The following SFI1 variants were observed in gnomAD, a reference collection of about 807,000 sequenced individuals.
The protein encoded by SFI1 is SFI1 centrin binding protein, also known as protein SFI1 homolog.
In SFI1, 195 loss-of-function variants were observed where a neutral mutation model predicts 207.5. The ratio of observed to expected loss-of-function variants is 0.94; its 90% confidence interval spans 0.84 to 1.06. The LOEUF is 1.06. SFI1 is among the 50% of genes least tolerant of loss of function. SFI1 has a pLI of 0.00. For missense variants in SFI1, 1,634 were observed against 1,588.0 expected, an observed-to-expected ratio of 1.03 and a Z score of -0.49; for synonymous variants, 630 against 598.9, an observed-to-expected ratio of 1.05 and a Z score of -0.76.
chr22:31,521,794 C>T (rs957950438), intron 2 of SFI1, among the ~76,000 whole-genome samples: 11 of 151,472 alleles, frequency 7.3e-5, no homozygotes, highest in Non-Finnish European at 4.4e-5. Flanking sequence ...GAGACAGTCT[C>T]ACTGTGTTGC....
intron 2 of SFI1, among the ~76,000 whole-genome samples, chr22:31,518,080 A>G (rs992294301): frequency 5.3e-5 from 8 of 152,126 alleles, no homozygotes; most frequent in African/African-American, 1.9e-4. Context: ...CCTGCCTCCC[A>G]GGTTCAAGCC....
intron 5 of SFI1, among the ~76,000 whole-genome samples, chr22:31,548,324 C>G (rs1016745633): frequency 6.6e-6 from 1 of 151,948 alleles, no homozygotes; most frequent in East Asian, 1.9e-4. Flanking sequence ...AATCCCAGTA[C>G]TTTGGGAGGC....
At chr22:31,517,537 C>T (rs1275732013) in intron 2 of SFI1, among the ~76,000 whole-genome samples, 1 of 152,164 alleles carries the variant, frequency 6.6e-6, no homozygotes, top group Admixed American at 6.6e-5. Context: ...TGCGGGCCAC[C>T]ATGCCTGGCC....
chr22:31,550,236 CT>C lies in SFI1; in HGVS notation c.450-11del. The C allele has an allele frequency of 1.9e-6, 3 of 1,607,772 alleles. No homozygotes were observed. Among genetic ancestry groups the C allele is most frequent in the South Asian group, 1.1e-5 (1 of 90,676 alleles). ...TGTTATTTTGAAGAAATGCCATTTA[CT>C]TTTTTTGGCTCCTCAGGTATTACCT... On this transcript the variant is annotated splice_polypyrimidine_tract_variant and intron_variant, in intron 5 of 32. Coordinates refer to ENST00000400288, the MANE Select transcript of SFI1 (RefSeq NM_001007467.3).
chr22:31,608,109 A>G (rs935837835), intron 22 of SFI1, 76 bp downstream of exon 22: 2 of 1,197,264 alleles, frequency 1.7e-6, no homozygotes, highest in Non-Finnish European at 1.2e-6. Context: ...TGTGGCCCGC[A>G]TAAGTCTGTC....
chr22:31,606,571 A>G (rs1454951390), intron 21 of SFI1, 141 bp downstream of exon 21: 10 of 612,662 alleles, frequency 1.6e-5, no homozygotes, highest in Non-Finnish European at 2.6e-5. Flanking sequence ...CAGCACACAC[A>G]CAAACATCCA....
chr22:31,499,360 A>G (rs2053322014), intron 1 of SFI1, among the ~76,000 whole-genome samples: 1 of 151,880 alleles, frequency 6.6e-6, no homozygotes, highest in Non-Finnish European at 1.5e-5. Context: ...ACGCCTGGCT[A>G]ATTTTTTGTA....
At chr22:31,593,114 G>A (rs1361655138) in intron 15 of SFI1, among the ~76,000 whole-genome samples, 35 of 146,698 alleles carry the variant, frequency 2.4e-4, no homozygotes, top group African/African-American at 8.6e-4. Flanking sequence ...CGGATGGGGC[G>A]GCTGGCCGGG....
chr22:31,508,545 G>A (rs976036757), intron 2 of SFI1, among the ~76,000 whole-genome samples, 169 bp downstream of exon 2: 14 of 151,934 alleles, frequency 9.2e-5, no homozygotes, highest in Non-Finnish European at 1.6e-4. Context: ...TACACATTTC[G>A]TACATTATGT....
At chr22:31,563,285 G>A (rs62237769) in intron 8 of SFI1, among the ~76,000 whole-genome samples, 6,950 of 151,802 alleles carry the variant, frequency 0.046, 141 homozygotes, top group African/African-American at 0.054. Flanking sequence ...GAACCACCGC[G>A]CCTGGCCTGC....
At chr22:31,601,609 A>G (rs1375623562) in intron 15 of SFI1, among the ~76,000 whole-genome samples, 1 of 152,158 alleles carries the variant, frequency 6.6e-6, no homozygotes. Context: ...CTGTTAAGTC[A>G]ATATAGAATT....
In SFI1 at chr22:31,615,048, G is replaced by A. The variant is rs1377168339; in HGVS notation, c.3069G>A (p.Arg1023=). ...HFLLEPAQSQ[R]PQKPQEHGLG... is the part of the protein sequence containing the mutation. ...AGGCTCTTGCCTTCCCTGTGCTCAG[G>A]CCTCAGAAGCCACAGGAACATGGCC... The change falls in exon 29 of 33, where the codon AGG becomes AGA. Residue 1023 remains arginine, a splice_region_variant and synonymous_variant. Coordinates refer to ENST00000400288, the MANE Select transcript of SFI1 (RefSeq NM_001007467.3). 3 of 1,611,294 alleles carry A rather than the reference G, an allele frequency of 1.9e-6. No homozygotes were observed. The highest frequency in any genetic ancestry group is 1.7e-5 in the Admixed American group (1 of 59,696).
At chr22:31,562,437 C>CA (rs528463423) in intron 8 of SFI1, among the ~76,000 whole-genome samples, 27,421 of 99,898 alleles carry the variant, frequency 0.27, 3,021 homozygotes, top group East Asian at 0.49. Context: ...GGCCCTGTCT[C>CA]AAAAAAAAAA....
chr22:31,503,721 C>T (rs991027193), intron 1 of SFI1, among the ~76,000 whole-genome samples: 11 of 149,894 alleles, frequency 7.3e-5, no homozygotes, highest in Non-Finnish European at 1.0e-4. Context: ...CCAAGTAGCT[C>T]GGATTACAGG....
intron 2 of SFI1, among the ~76,000 whole-genome samples, chr22:31,511,836 G>C (rs1206388330): frequency 2.0e-5 from 3 of 151,882 alleles, no homozygotes; most frequent in Non-Finnish European, 4.4e-5. Flanking sequence ...TATATTAGTA[G>C]AGAAGGAGCT....
chr22:31,575,262 G>A lies in SFI1; in HGVS notation c.954G>A (p.Val318=), dbSNP rs958172142. The change falls in exon 10 of 33, where the codon GTG becomes GTA. Residue 318 remains valine, a synonymous_variant. Transcript: ENST00000400288. ...CTGAGCGATTCCATCATGTCACTGT[G>A]CTCCAGATATACTTCTGTGACTGGC... ...EMAERFHHVT[V]LQIYFCDWQQ... 2.0e-5 allele frequency: 32 copies of A among 1,612,094 alleles called. No homozygotes were observed. Among genetic ancestry groups the A allele is most frequent in the Non-Finnish European group, 2.6e-5 (31 of 1,179,262 alleles).
rs1353378125 is a variant in SFI1 at position 31,602,237 on chromosome 22, T to G, written c.1570T>G (p.Ser524Ala). The change falls in exon 16 of 33, where the codon TCT (serine) becomes GCT (alanine). Residue 524 changes from serine to alanine, a missense_variant. Coordinates refer to ENST00000400288, the MANE Select transcript of SFI1 (RefSeq NM_001007467.3). ...GGAGACATTAGAGAAGCAAGTATTT[T>G]CTCTCTGGAGGCAGAAGATGTTTCA... ...HRETLEKQVFSLWRQKMFQHR... is the reference protein window; with the variant it reads ...HRETLEKQVFALWRQKMFQHR... 1 of 1,614,062 alleles carries G rather than the reference T, an allele frequency of 6.2e-7. No homozygotes were observed. Among genetic ancestry groups the G allele is most frequent in the Admixed American group, 1.7e-5 (1 of 60,000 alleles).
At chr22:31,615,950 G>GA (rs2071355605) in intron 29 of SFI1, 1 of 152,262 alleles carries the variant, frequency 6.6e-6, no homozygotes, top group Non-Finnish European at 1.5e-5. Context: ...AAATTTGAGA[G>GA]AAAGCAAACG....
intron 5 of SFI1, among the ~76,000 whole-genome samples, chr22:31,549,815 T>C (rs180837406): frequency 6.6e-6 from 1 of 152,104 alleles, no homozygotes; most frequent in Admixed American, 6.6e-5. Flanking sequence ...AATTTTAGCT[T>C]TGGTGCAGAT....
Sources: gnomAD v4.1 joint callset for allele counts (sites outside exome capture counted in the v4.1 genomes callset) on GRCh38, gnomAD v4.1.1 for gene constraint, MANE v1.5 for transcripts, NCBI Gene and HGNC (gene_info 2026-07-23, HGNC 2026-07-21) for gene names.